The following XPR1 variants were observed in gnomAD, a reference collection of about 807,000 sequenced individuals.
XPR1 encodes xenotropic and polytropic retrovirus receptor 1, also known as solute carrier family 53 member 1.
Under a neutral mutation model 87.5 loss-of-function variants are expected in XPR1, and 28 were observed. The observed-to-expected ratio is 0.32, with a 90% CI of 0.24 to 0.44. The LOEUF (loss-of-function observed/expected upper bound fraction) is 0.44, where lower values mean the gene tolerates loss of function less well. Among genes scored for constraint, XPR1 ranks in the 20% least tolerant of loss-of-function variants. The pLI, the probability that XPR1 is intolerant of heterozygous loss-of-function variation, is 1.00. For missense variants in XPR1, 559 were observed against 862.3 expected (o/e 0.65, Z 4.41); for synonymous variants, 300 against 306.1 (o/e 0.98, Z 0.21).
At chr1:180,748,963 C>G (rs1233625250) in intron 2 of XPR1, among the ~76,000 whole-genome samples, 1 of 152,192 alleles carries the variant, frequency 6.6e-6, no homozygotes, top group African/African-American at 2.4e-5. Flanking sequence ...CTTTGGGAGT[C>G]CAAGGCAGGA....
At chr1:180,738,279 A>G (rs1264403945) in intron 2 of XPR1, among the ~76,000 whole-genome samples, 3 of 152,122 alleles carry the variant, frequency 2.0e-5, no homozygotes, top group Non-Finnish European at 4.4e-5. Context: ...CCAAAGTGCT[A>G]GGATTACAGG....
rs572362762 is a variant in XPR1 at position 180,812,635 on chromosome 1, C to T, written c.763+1147C>T. 2.1e-4 allele frequency among the ~76,000 whole-genome samples: 32 copies of T among 150,968 alleles called. No individual in the cohort carries two copies. In the South Asian group the frequency reaches 5.0e-3, roughly 24 times the overall value. ...CCACCTTGGCCAGTGCCACTCTTGTCTAAGCAGCCATTTCTTTTTTTTTTT... is the reference window on the plus strand; with the variant it reads ...CCACCTTGGCCAGTGCCACTCTTGTTTAAGCAGCCATTTCTTTTTTTTTTT... On this transcript the variant is annotated intron_variant, in intron 7 of 14. Coordinates refer to ENST00000367590, the MANE Select transcript of XPR1 (RefSeq NM_004736.4).
intron 1 of XPR1, among the ~76,000 whole-genome samples, chr1:180,679,304 A>T (rs1656479881): frequency 6.6e-6 from 1 of 151,958 alleles, no homozygotes; most frequent in Non-Finnish European, 1.5e-5. Flanking sequence ...CTGGGGAGGG[A>T]CCTTTTTGCC....
At chr1:180,671,578 G>A (rs1656176204) in intron 1 of XPR1, among the ~76,000 whole-genome samples, 1 of 152,150 alleles carries the variant, frequency 6.6e-6, no homozygotes, top group South Asian at 2.1e-4. Context: ...AGGCTGGAGT[G>A]CAATGGCATG....
chr1:180,658,589 A>G lies in XPR1; in HGVS notation c.70-23771A>G, dbSNP rs147545488. Among the ~76,000 whole-genome samples, 113 of 152,074 alleles carry G rather than the reference A, an allele frequency of 7.4e-4. 2 individuals carry two copies. The East Asian group carries it at 8.7e-3, about 12-fold the overall frequency. On this transcript the variant is annotated intron_variant, in intron 1 of 14. Transcript: ENST00000367590. ...TTGGTTTTGTTTTGTTTTGAGACGG[A>G]GTCTCGCCACTGTCTCCCAGGCTGG...
At chr1:180,806,265 A>G in intron 5 of XPR1, 54 bp downstream of exon 5, 1 of 1,587,622 alleles carries the variant, frequency 6.3e-7, no homozygotes, top group South Asian at 1.1e-5. Flanking sequence ...TTTTATATTT[A>G]GGGAAGCAAT....
rs138123384 is a variant in XPR1, at chr1:180,862,361, G to A, written c.1502-1347G>A. On this transcript the variant is annotated intron_variant, in intron 11 of 14. Transcript: ENST00000367590. Reference sequence around the variant, plus strand: ...CTATATGTCACCTACACTAGATGTAGGTAACTTGTAGCTTCTCAAACACAC... The same window carrying A: ...CTATATGTCACCTACACTAGATGTAAGTAACTTGTAGCTTCTCAAACACAC... Among the ~76,000 whole-genome samples, 594 of 152,070 alleles carry A rather than the reference G, an allele frequency of 3.9e-3. 5 individuals carry two copies. The highest frequency in any genetic ancestry group is 0.014 in the African/African-American group (570 of 41,502).
intron 11 of XPR1, among the ~76,000 whole-genome samples, chr1:180,841,773 A>G (rs538758817): frequency 4.0e-4 from 61 of 152,334 alleles, no homozygotes; most frequent in African/African-American, 1.4e-3. Context: ...CATTGGTTAT[A>G]TATCTTAATC....
chr1:180,868,650 T>C (rs199727804), intron 12 of XPR1, among the ~76,000 whole-genome samples: 5,990 of 80,364 alleles, frequency 0.075, no homozygotes, highest in African/African-American at 0.086. Flanking sequence ...CTTGTGATTT[T>C]TGCACATTGA....
In XPR1 at chr1:180,886,542, A is replaced by T. The variant is rs1653017587; in HGVS notation, c.*2476A>T. 1 of 152,350 alleles carries T rather than the reference A, an allele frequency of 6.6e-6. No individual in the cohort carries two copies. The highest frequency in any genetic ancestry group is 1.9e-4 in the East Asian group (1 of 5,194). 9.4% of individuals were successfully genotyped at this position (152,350 alleles called of 1,614,324 possible). A position where few individuals can be genotyped will look rare whatever the true frequency, so the allele number is the denominator to read the frequency against. The stretch of plus-strand genomic sequence containing the variant: ...GTCTTATTCTTTCACATATGATGCA[A>T]TGATAGATGTAATCCTTTTCTGAAG... On this transcript the variant is annotated 3_prime_UTR_variant, in exon 15 of 15. Transcript: ENST00000367590.
chr1:180,680,828 T>C (rs769686139), intron 1 of XPR1, among the ~76,000 whole-genome samples: 5 of 152,112 alleles, frequency 3.3e-5, no homozygotes. Flanking sequence ...AACAAATGAA[T>C]GGCTAAAGAA....
intron 11 of XPR1, among the ~76,000 whole-genome samples, chr1:180,839,684 A>G (rs1299915177): frequency 6.6e-6 from 1 of 152,232 alleles, no homozygotes; most frequent in African/African-American, 2.4e-5. Flanking sequence ...CTTCATAGAA[A>G]GGAAGACCCA....
At chr1:180,757,102 C>T (rs1431282015) in intron 2 of XPR1, among the ~76,000 whole-genome samples, 1 of 152,192 alleles carries the variant, frequency 6.6e-6, no homozygotes. Context: ...ATCAACTTTA[C>T]TCTTCTTTTT....
At chr1:180,811,371 T>C (rs1401818402) in intron 6 of XPR1, 36 bp from the exon 7 acceptor site, 2 of 1,530,094 alleles carry the variant, frequency 1.3e-6, no homozygotes, top group South Asian at 2.3e-5. Flanking sequence ...AATCAGTGTT[T>C]TGTCCTGTAC....
intron 12 of XPR1, among the ~76,000 whole-genome samples, chr1:180,864,679 A>G (rs1652328966): frequency 6.6e-6 from 1 of 152,178 alleles, no homozygotes; most frequent in Admixed American, 6.5e-5. Flanking sequence ...GATTTTTTCT[A>G]TGTATTAATA....
chr1:180,702,801 T>C (rs1431244517), intron 2 of XPR1, among the ~76,000 whole-genome samples: 2 of 152,148 alleles, frequency 1.3e-5, no homozygotes, highest in African/African-American at 2.4e-5. Flanking sequence ...GGATTTTTTT[T>C]CTTTTTACTG....
intron 2 of XPR1, among the ~76,000 whole-genome samples, chr1:180,737,801 TGC>T (rs1487051742): frequency 6.6e-6 from 1 of 152,214 alleles, no homozygotes; most frequent in Non-Finnish European, 1.5e-5. Context: ...TCCTTTTTGT[TGC>T]TGAGTAGCAT....
intron 11 of XPR1, among the ~76,000 whole-genome samples, chr1:180,845,512 CTG>C (rs150936301): frequency 2.0e-5 from 3 of 151,698 alleles, no homozygotes; most frequent in Non-Finnish European, 2.9e-5. Flanking sequence ...AGAATAATGA[CTG>C]TGTGTGTGTG....
Position 180,786,536 on chromosome 1 carries a change from G to A in XPR1, c.122-1217G>A, listed in dbSNP as rs531809263. 3.7e-4 allele frequency among the ~76,000 whole-genome samples: 56 copies of A among 152,198 alleles called. 1 individual carries two copies. The South Asian group carries it at 0.01, about 28-fold the overall frequency. On this transcript the variant is annotated intron_variant, in intron 2 of 14. Coordinates refer to ENST00000367590, the MANE Select transcript of XPR1 (RefSeq NM_004736.4). The stretch of plus-strand genomic sequence containing the variant: ...GAGTCTAAATAGATCTCACTTGGCC[G>A]AGAAACATACCCTTTTAGGCTTGGG...
Sources: gnomAD v4.1 joint callset for allele counts (sites outside exome capture counted in the v4.1 genomes callset) on GRCh38, gnomAD v4.1.1 for gene constraint, MANE v1.5 for transcripts, NCBI Gene and HGNC (gene_info 2026-07-23, HGNC 2026-07-21) for gene names.